CLMN: variants seen among roughly 807,000 people sequenced by gnomAD.
The protein encoded by CLMN is calmin (calponin-like, transmembrane).
Under a neutral mutation model 92.7 loss-of-function variants are expected in CLMN, and 57 were observed. The ratio of observed to expected loss-of-function variants is 0.61; its 90% confidence interval spans 0.50 to 0.77. The LOEUF is 0.77. Ranked by LOEUF, CLMN falls within the 30% of genes least tolerant of loss-of-function variation. The pLI is 0.00. For synonymous variants in CLMN, 466 were observed against 470.6 expected, an observed-to-expected ratio of 0.99 and a Z score of 0.13; for missense variants, 1,158 against 1,237.5, an observed-to-expected ratio of 0.94 and a Z score of 0.96.
chr14:95,183,666 A>G lies in CLMN; in HGVS notation c.*7898T>C, dbSNP rs1334467028. ...CAGCTGGGGGCAGGATGTATAGTTA[A>G]TTGGAGGCCCTGAAGAACTGTCTTT... On this transcript the variant is annotated 3_prime_UTR_variant, in exon 13 of 13. Transcript: ENST00000298912. The G allele has an allele frequency of 3.3e-5, 5 of 152,198 alleles. No homozygotes were observed. Among genetic ancestry groups the G allele is most frequent in the Non-Finnish European group, 7.3e-5 (5 of 68,032 alleles). 9.4% of individuals were successfully genotyped at this position (152,198 alleles called of 1,614,324 possible).
intron 1 of CLMN, among the ~76,000 whole-genome samples, chr14:95,311,921 G>A (rs1276503854): frequency 2.0e-5 from 3 of 151,884 alleles, no homozygotes; most frequent in Admixed American, 1.3e-4. Context: ...GACTCATGCG[G>A]GCCTCTTCCT....
chr14:95,310,198 C>T (rs1901470761), intron 1 of CLMN, among the ~76,000 whole-genome samples: 1 of 152,218 alleles, frequency 6.6e-6, no homozygotes. Flanking sequence ...GAACAGCCTG[C>T]AGAACCATGA....
intron 2 of CLMN, among the ~76,000 whole-genome samples, chr14:95,229,006 C>T (rs189849463): frequency 5.9e-5 from 9 of 152,168 alleles, no homozygotes; most frequent in African/African-American, 1.2e-4. Flanking sequence ...AGAAGAGAGA[C>T]GATTACCTAC....
At chr14:95,237,542 G>A (rs1475833875) in intron 1 of CLMN, among the ~76,000 whole-genome samples, 2 of 152,248 alleles carry the variant, frequency 1.3e-5, no homozygotes, top group South Asian at 2.1e-4. Context: ...TGTCCGGGAG[G>A]CCAGGAGAGG....
intron 6 of CLMN, among the ~76,000 whole-genome samples, chr14:95,211,643 C>T (rs1364737666): frequency 2.2e-5 from 3 of 137,242 alleles, no homozygotes; most frequent in Non-Finnish European, 4.6e-5. Context: ...GGTCAATAAA[C>T]GCTCTTAAAA....
At chr14:95,258,206 ATGTGG>A (rs1298231976) in intron 1 of CLMN, among the ~76,000 whole-genome samples, 1 of 150,312 alleles carries the variant, frequency 6.7e-6, no homozygotes, top group African/African-American at 2.5e-5. Flanking sequence ...AGTGCATATG[ATGTGG>A]TGTGTGTGGT....
intron 1 of CLMN, among the ~76,000 whole-genome samples, chr14:95,270,035 A>C (rs1899644141): frequency 6.6e-6 from 1 of 152,212 alleles, no homozygotes; most frequent in Admixed American, 6.5e-5. Context: ...AGGAATAAGA[A>C]AACAGAACCT....
At chr14:95,295,083 A>G (rs1356234151) in intron 1 of CLMN, among the ~76,000 whole-genome samples, 1 of 152,148 alleles carries the variant, frequency 6.6e-6, no homozygotes, top group East Asian at 1.9e-4. Flanking sequence ...CTCTGTAAAC[A>G]GCCTCTGCAT....
intron 12 of CLMN, 69 bp downstream of exon 12, chr14:95,193,779 GT>G (rs771042877): frequency 7.6e-6 from 12 of 1,584,720 alleles, no homozygotes; most frequent in Non-Finnish European, 1.0e-5. Flanking sequence ...AACCACCCCT[GT>G]AAGGCAGGCT....
chr14:95,221,714 G>C lies in CLMN; in HGVS notation c.301C>G (p.Leu101Val), dbSNP rs762478958. 1.2e-5 allele frequency: 19 copies of C among 1,613,978 alleles called. No individual in the cohort carries two copies. The East Asian group carries it at 4.0e-4, about 34-fold the overall frequency. ...ACATTGCTATCTTCCAAAAACTTAA[G>C]TGCTTTCGCTATGTTGTTCAACCGA... ...IFRLNNIAKA[L>V]KFLEDSNVKL... is the part of the protein sequence containing the mutation. Residue 101 changes from leucine to valine, a missense_variant, in exon 4 of 13, where the codon CTT becomes GTT. Transcript: ENST00000298912.
intron 4 of CLMN, among the ~76,000 whole-genome samples, chr14:95,217,734 G>C (rs1897397418): frequency 6.6e-6 from 1 of 152,220 alleles, no homozygotes; most frequent in Non-Finnish European, 1.5e-5. Context: ...CTTTCACCTG[G>C]GGGAAGCCCA....
chr14:95,300,025 C>G (rs1035850610), intron 1 of CLMN, among the ~76,000 whole-genome samples: 1 of 152,212 alleles, frequency 6.6e-6, no homozygotes, highest in African/African-American at 2.4e-5. Context: ...GAAATTTCAC[C>G]CCAACATAGA....
At chr14:95,202,771 C>G in intron 9 of CLMN, 67 bp downstream of exon 9, 1 of 1,454,644 alleles carries the variant, frequency 6.9e-7, no homozygotes, top group Non-Finnish European at 9.2e-7. Flanking sequence ...AGAAGCTGAG[C>G]TTCAGACAAA....
intron 1 of CLMN, among the ~76,000 whole-genome samples, chr14:95,271,818 C>G (rs1022709075): frequency 2.0e-5 from 3 of 152,232 alleles, no homozygotes; most frequent in Admixed American, 2.0e-4. Context: ...CAGTCTGTCT[C>G]CACTCCGTGC....
chr14:95,193,159 A>C, intron 12 of CLMN: 1 of 560,606 alleles, frequency 1.8e-6, no homozygotes, highest in Non-Finnish European at 3.1e-6. Context: ...TAAAAATAAA[A>C]ACATAATAAA....
intron 1 of CLMN, among the ~76,000 whole-genome samples, chr14:95,270,767 C>T (rs1215538244): frequency 6.6e-6 from 1 of 152,162 alleles, no homozygotes; most frequent in Non-Finnish European, 1.5e-5. Flanking sequence ...TGCCATGCTG[C>T]TATAAACATT....
At chr14:95,224,010 C>T (rs1897631471) in intron 2 of CLMN, among the ~76,000 whole-genome samples, 155 bp from the exon 3 acceptor site, 1 of 152,196 alleles carries the variant, frequency 6.6e-6, no homozygotes, top group African/African-American at 2.4e-5. Context: ...CAGGCCCATC[C>T]CCCTGGAAGT....
chr14:95,300,951 C>A (rs1366364427), intron 1 of CLMN, among the ~76,000 whole-genome samples: 1 of 152,210 alleles, frequency 6.6e-6, no homozygotes, highest in Non-Finnish European at 1.5e-5. Flanking sequence ...ATCAGAAGGG[C>A]TCTGGTTGGT....
At chr14:95,293,433 C>T (rs1900682788) in intron 1 of CLMN, among the ~76,000 whole-genome samples, 2 of 145,944 alleles carry the variant, frequency 1.4e-5, no homozygotes, top group African/African-American at 5.1e-5. Context: ...TACCTCCTTC[C>T]TCCCTTCCTC....
Sources: gnomAD v4.1 joint callset for allele counts (sites outside exome capture counted in the v4.1 genomes callset) on GRCh38, gnomAD v4.1.1 for gene constraint, MANE v1.5 for transcripts, NCBI Gene and HGNC (gene_info 2026-07-23, HGNC 2026-07-21) for gene names.